The following FIG4 variants were observed in gnomAD, a reference collection of about 807,000 sequenced individuals.
FIG4 encodes the protein FIG4 phosphoinositide 5-phosphatase.
In FIG4, 112 loss-of-function variants were observed where a neutral mutation model predicts 118.6. The ratio of observed to expected loss-of-function variants is 0.94; its 90% CI spans 0.81 to 1.11. The LOEUF (loss-of-function observed/expected upper bound fraction) is 1.11, where lower values mean the gene tolerates loss of function less well. Among genes scored for constraint, FIG4 ranks in the 50% least tolerant of loss-of-function variants. The pLI, the probability that FIG4 is intolerant of heterozygous loss-of-function variation, is 0.00. For missense variants in FIG4, 969 were observed against 1,111.7 expected (o/e 0.87, Z 1.83); for synonymous variants, 369 against 381.2 (o/e 0.97, Z 0.37).
In FIG4 at chr6:109,782,055, C is replaced by T. The variant is rs541680948; in HGVS notation, c.1890-2915C>T. ...TCCCAAGTTAGCTAGGAAAATTAGA[C>T]AGTGTAAAAATTTTCCCTAACCTTC... is the stretch of plus-strand genomic sequence containing the variant. On this transcript the variant is annotated intron_variant, in intron 16 of 22. Transcript: ENST00000230124. Among the ~76,000 whole-genome samples, 19 of 152,220 alleles carry T rather than the reference C, an allele frequency of 1.2e-4. No homozygotes were observed. The South Asian group carries it at 2.7e-3, about 22-fold the overall frequency.
intron 10 of FIG4, among the ~76,000 whole-genome samples, chr6:109,754,030 G>A (rs1776800628): frequency 6.6e-6 from 1 of 152,166 alleles, no homozygotes; most frequent in African/African-American, 2.4e-5. Flanking sequence ...TTTTCAAAGG[G>A]AATGCTTCCA....
intron 16 of FIG4, 104 bp downstream of exon 16, chr6:109,777,164 T>C: frequency 1.8e-6 from 2 of 1,139,996 alleles, no homozygotes; most frequent in Non-Finnish European, 2.5e-6. Flanking sequence ...GTCAGTTTTA[T>C]TTTATTTTTT....
intron 10 of FIG4, among the ~76,000 whole-genome samples, chr6:109,756,856 T>C (rs1776924147): frequency 6.6e-6 from 1 of 152,226 alleles, no homozygotes; most frequent in Admixed American, 6.5e-5. Context: ...TTTCAAAGTT[T>C]TCAACTTCTT....
At chr6:109,713,622 G>C (rs774226727) in intron 1 of FIG4, among the ~76,000 whole-genome samples, 1 of 152,162 alleles carries the variant, frequency 6.6e-6, no homozygotes, top group Non-Finnish European at 1.5e-5. Context: ...GGCAGGACAG[G>C]GTACATGCGC....
At chr6:109,807,490 G>A (rs1021322435) in intron 22 of FIG4, among the ~76,000 whole-genome samples, 3 of 152,112 alleles carry the variant, frequency 2.0e-5, no homozygotes, top group African/African-American at 7.2e-5. Context: ...TAAGTTCCTT[G>A]TAGATTCTGG....
At chr6:109,807,726 T>C (rs1433486116) in intron 22 of FIG4, among the ~76,000 whole-genome samples, 1 of 152,130 alleles carries the variant, frequency 6.6e-6, no homozygotes, top group African/African-American at 2.4e-5. Context: ...TCTTCTAGGG[T>C]TTTTATGGTT....
At chr6:109,749,055 C>CTGTGTG (rs113357544) in intron 10 of FIG4, among the ~76,000 whole-genome samples, 5,026 of 132,404 alleles carry the variant, frequency 0.038, 145 homozygotes, top group South Asian at 0.063. Flanking sequence ...CAAAGGAGCT[C>CTGTGTG]TGTGTGTGTG....
At chr6:109,784,694 A>T (rs1472274027) in intron 16 of FIG4, among the ~76,000 whole-genome samples, 3 of 152,202 alleles carry the variant, frequency 2.0e-5, no homozygotes, top group Non-Finnish European at 1.5e-5. Context: ...TTTTTAGCTA[A>T]AAGTAAATAA....
chr6:109,742,989 A>ACTTTCAAAAC, intron 8 of FIG4, 121 bp from the exon 9 acceptor site: 1 of 889,758 alleles, frequency 1.1e-6, no homozygotes, highest in Non-Finnish European at 1.8e-6. Flanking sequence ...ACCTCTCAAG[A>ACTTTCAAAAC]CTTTCAAAGA....
chr6:109,737,641 A>G (rs1776197424), intron 6 of FIG4, among the ~76,000 whole-genome samples: 1 of 152,156 alleles, frequency 6.6e-6, no homozygotes, highest in Non-Finnish European at 1.5e-5. Context: ...ACATACTTTT[A>G]ATTTTTCACT....
In FIG4 at chr6:109,727,253, C is replaced by CT; in HGVS notation, c.435dup (p.Asp146Ter). On this transcript the variant is annotated frameshift_variant, in exon 4 of 23. Transcript: ENST00000230124. LOFTEE classifies it high-confidence loss of function. ...AATGATTCTGTACGGGTTACTCATC[C>CT]TGATGAAGCTAGGTATGTATGGTGG... 6.2e-7 allele frequency: 1 copy of CT among 1,611,354 alleles called. No homozygotes were observed. The highest frequency in any genetic ancestry group is 1.1e-5 in the South Asian group (1 of 90,980).
chr6:109,768,181 G>C (rs900898523), intron 15 of FIG4, among the ~76,000 whole-genome samples: 1 of 152,144 alleles, frequency 6.6e-6, no homozygotes, highest in Non-Finnish European at 1.5e-5. Flanking sequence ...GGGTTGGCCT[G>C]GGTCCTGGCC....
chr6:109,795,516 A>G (rs1283881137), intron 21 of FIG4, among the ~76,000 whole-genome samples: 1 of 151,732 alleles, frequency 6.6e-6, no homozygotes, highest in Non-Finnish European at 1.5e-5. Context: ...AAACTTTTCC[A>G]TAGTCTTCAA....
chr6:109,805,376 C>T (rs915325145), intron 22 of FIG4, among the ~76,000 whole-genome samples: 2 of 152,154 alleles, frequency 1.3e-5, no homozygotes, highest in Admixed American at 1.3e-4. Context: ...ATACATGAAG[C>T]TCTAAAAGAG....
At chr6:109,705,677 G>T (rs1775045974) in intron 1 of FIG4, among the ~76,000 whole-genome samples, 1 of 152,054 alleles carries the variant, frequency 6.6e-6, no homozygotes, top group Admixed American at 6.5e-5. Flanking sequence ...GAGCATGTCA[G>T]GATTTATATC....
At chr6:109,785,078 A>T (rs1324904835) in intron 17 of FIG4, 50 bp downstream of exon 17, 1 of 1,026,624 alleles carries the variant, frequency 9.7e-7, no homozygotes, top group African/African-American at 1.5e-5. Flanking sequence ...TTTTGGCATT[A>T]TACCTTAATG....
chr6:109,710,627 A>T (rs2128380384), intron 1 of FIG4, among the ~76,000 whole-genome samples: 1 of 152,094 alleles, frequency 6.6e-6, no homozygotes. Context: ...TTTTGCTTGT[A>T]GGCTATTTAT....
chr6:109,705,078 T>G lies in FIG4; in HGVS notation c.67-10000T>G, dbSNP rs570360285. 6.6e-5 allele frequency among the ~76,000 whole-genome samples: 10 copies of G among 152,232 alleles called. No individual in the cohort carries two copies. In the East Asian group the frequency reaches 9.7e-4, roughly 15 times the overall value. ...GGGTGTTCGTTGTACTGTTCTGTTG[T>G]CTTTGAAGATTTTTTTAAATTAAAA... On this transcript the variant is annotated intron_variant, in intron 1 of 22. Coordinates refer to ENST00000230124, the MANE Select transcript of FIG4 (RefSeq NM_014845.6).
chr6:109,815,986 T>C (rs1778852623), intron 22 of FIG4, among the ~76,000 whole-genome samples: 1 of 152,142 alleles, frequency 6.6e-6, no homozygotes, highest in African/African-American at 2.4e-5. Flanking sequence ...TAATTGCCAG[T>C]ATTAAAGATA....
Sources: allele counts gnomAD v4.1 joint callset (sites outside exome capture counted in the v4.1 genomes callset), GRCh38; gene constraint gnomAD v4.1.1; transcripts MANE v1.5; gene names NCBI Gene and HGNC (gene_info 2026-07-23, HGNC 2026-07-21).